Variants in CDH20 observed in about 807,000 individuals in gnomAD.
CDH20 encodes the protein cadherin-20.
CDH20 carries 29 observed loss-of-function variants against 74.2 expected under a neutral mutation model. That is an observed-to-expected ratio of 0.39 (90% CI 0.29 to 0.53). CDH20 has a LOEUF of 0.53. CDH20 is among the 20% of genes least tolerant of loss of function. The probability of loss-of-function intolerance (pLI) is 0.69; values close to 1 mark genes in which losing one functional copy is unlikely to be tolerated. For synonymous variants in CDH20, 469 were observed against 405.4 expected (o/e 1.16, Z -1.88); for missense variants, 988 against 1,048.3 (o/e 0.94, Z 0.79).
chr18:61,537,368 T>C (rs1912849969), intron 8 of CDH20, among the ~76,000 whole-genome samples: 1 of 152,122 alleles, frequency 6.6e-6, no homozygotes, highest in African/African-American at 2.4e-5. Context: ...TCAACAAAGA[T>C]TTAAATGTGA....
intron 1 of CDH20, among the ~76,000 whole-genome samples, chr18:61,489,572 T>C (rs888884953): frequency 6.6e-5 from 10 of 151,620 alleles, no homozygotes; most frequent in African/African-American, 2.2e-4. Flanking sequence ...AAAAGAAGTT[T>C]GACTGATAAA....
chr18:61,445,925 A>G (rs567199171), intron 1 of CDH20, among the ~76,000 whole-genome samples: 1 of 152,146 alleles, frequency 6.6e-6, no homozygotes, highest in South Asian at 2.1e-4. Flanking sequence ...TTTGTCCAGG[A>G]GCTCAGCCTA....
intron 1 of CDH20, among the ~76,000 whole-genome samples, chr18:61,400,810 C>T (rs1912130327): frequency 6.6e-6 from 1 of 152,154 alleles, no homozygotes; most frequent in Non-Finnish European, 1.5e-5. Context: ...GAATTCAGAA[C>T]CAAAGAATGA....
At chr18:61,530,763 A>G (rs1389805313) in intron 7 of CDH20, among the ~76,000 whole-genome samples, 1 of 152,202 alleles carries the variant, frequency 6.6e-6, no homozygotes, top group Non-Finnish European at 1.5e-5. Context: ...ATACTGAGCC[A>G]TTTGGCAACT....
Position 61,348,347 on chromosome 18 carries a change from C to T in CDH20, c.-153+14520C>T, listed in dbSNP as rs181522256. On this transcript the variant is annotated intron_variant, in intron 1 of 11. Coordinates refer to ENST00000262717, the MANE Select transcript of CDH20 (RefSeq NM_031891.4). The stretch of plus-strand genomic sequence containing the variant: ...CCTTAATTAGTCATAGATTACTCTG[C>T]CCCACCCCAAGACTCTGATGTTCTC... Among the ~76,000 whole-genome samples the T allele has an allele frequency of 5.4e-3, 821 of 152,262 alleles. 2 individuals are homozygous for T. Among genetic ancestry groups the T allele is most frequent in the Non-Finnish European group, 9.7e-3 (657 of 68,006 alleles).
chr18:61,432,888 T>G (rs1913303393), intron 1 of CDH20, among the ~76,000 whole-genome samples: 1 of 151,970 alleles, frequency 6.6e-6, no homozygotes, highest in South Asian at 2.1e-4. Context: ...ATTTTTCCCC[T>G]TTATTTATTA....
chr18:61,370,059 T>C (rs1368771160), intron 1 of CDH20, among the ~76,000 whole-genome samples: 1 of 152,102 alleles, frequency 6.6e-6, no homozygotes, highest in East Asian at 1.9e-4. Flanking sequence ...GCCTCTCAAC[T>C]TAAAAATAAA....
rs1555684264 is a variant in CDH20 at position 61,538,578 on chromosome 18, C to CTTTGTTTTTTTTT, written c.1409-443_1409-442insGTTTTTTTTTTTT. On this transcript the variant is annotated intron_variant, in intron 8 of 11. Coordinates refer to ENST00000262717, the MANE Select transcript of CDH20 (RefSeq NM_031891.4). ...TCCAGACTCACCAAGTAAATAACTA[C>CTTTGTTTTTTTTT]TTTTTGTTTGTTTGTTTGTTTTTGT... 3.7e-4 allele frequency among the ~76,000 whole-genome samples: 13 copies of CTTTGTTTTTTTTT among 35,002 alleles called. 2 individuals carry two copies. The highest frequency in any genetic ancestry group is 0.048 in the Middle Eastern group (2 of 42). 23.0% of individuals were successfully genotyped at this position (35,002 alleles called of 152,430 possible).
chr18:61,511,660 C>A (rs1381227990), intron 6 of CDH20, among the ~76,000 whole-genome samples: 1 of 152,106 alleles, frequency 6.6e-6, no homozygotes, highest in Non-Finnish European at 1.5e-5. Context: ...GACTGTATTA[C>A]AAGCCATTTG....
At chr18:61,374,053 C>T (rs532819097) in intron 1 of CDH20, among the ~76,000 whole-genome samples, 39 of 152,138 alleles carry the variant, frequency 2.6e-4, no homozygotes, top group African/African-American at 8.4e-4. Context: ...CTCTCATGAT[C>T]GTATCTAAAT....
At chr18:61,522,267 C>T (rs1912237272) in intron 6 of CDH20, among the ~76,000 whole-genome samples, 1 of 151,948 alleles carries the variant, frequency 6.6e-6, no homozygotes, top group African/African-American at 2.4e-5. Context: ...AATTCCTATA[C>T]ACCAATAATA....
chr18:61,467,098 T>C (rs532197023), intron 1 of CDH20, among the ~76,000 whole-genome samples: 5 of 152,284 alleles, frequency 3.3e-5, no homozygotes, highest in Non-Finnish European at 2.9e-5. Context: ...GACAGAAATA[T>C]GCTAGACAGA....
chr18:61,399,268 AG>A (rs1242677848), intron 1 of CDH20, among the ~76,000 whole-genome samples: 4 of 152,200 alleles, frequency 2.6e-5, no homozygotes, highest in Admixed American at 2.0e-4. Context: ...TGAGAAGTTT[AG>A]TGAATGTTCC....
intron 1 of CDH20, among the ~76,000 whole-genome samples, chr18:61,431,050 TTC>T (rs1329172306): frequency 1.3e-5 from 2 of 152,182 alleles, no homozygotes; most frequent in Admixed American, 1.3e-4. Context: ...GTATCTGTAA[TTC>T]TCTGTTTCTA....
chr18:61,423,248 G>A (rs1017098130), intron 1 of CDH20, among the ~76,000 whole-genome samples: 2 of 152,184 alleles, frequency 1.3e-5, no homozygotes, highest in African/African-American at 4.8e-5. Context: ...ATAAGGATTT[G>A]GGGAGGGCCC....
At chr18:61,377,130 C>T (rs1441693980) in intron 1 of CDH20, among the ~76,000 whole-genome samples, 1 of 152,062 alleles carries the variant, frequency 6.6e-6, no homozygotes, top group African/African-American at 2.4e-5. Flanking sequence ...CTGATTCATC[C>T]CCATTGCCTT....
chr18:61,354,330 C>T (rs529975014), intron 1 of CDH20, among the ~76,000 whole-genome samples: 14 of 152,008 alleles, frequency 9.2e-5, no homozygotes, highest in African/African-American at 3.1e-4. Context: ...CTAGGTCTCC[C>T]GGTGTGGTGG....
intron 1 of CDH20, among the ~76,000 whole-genome samples, chr18:61,399,890 G>T (rs546668828): frequency 6.6e-6 from 1 of 152,148 alleles, no homozygotes; most frequent in African/African-American, 2.4e-5. Flanking sequence ...ACCAAATAAA[G>T]CCATTGATTC....
chr18:61,395,989 A>T (rs1469398070), intron 1 of CDH20, among the ~76,000 whole-genome samples: 1 of 151,878 alleles, frequency 6.6e-6, no homozygotes, highest in Non-Finnish European at 1.5e-5. Flanking sequence ...TGAAGTGAAG[A>T]TTGTTCCCCA....
Sources: gnomAD v4.1 joint callset for allele counts (sites outside exome capture counted in the v4.1 genomes callset) on GRCh38, gnomAD v4.1.1 for gene constraint, MANE v1.5 for transcripts, NCBI Gene and HGNC (gene_info 2026-07-23, HGNC 2026-07-21) for gene names.